CDH13: variants seen among roughly 807,000 people sequenced by gnomAD.
CDH13 encodes cadherin-13.
CDH13 carries 24 observed loss-of-function variants against 63.8 expected under a neutral mutation model. The ratio of observed to expected loss-of-function variants is 0.38; its 90% confidence interval spans 0.27 to 0.53. The LOEUF is 0.53. Among genes scored for constraint, CDH13 ranks in the 20% least tolerant of loss-of-function variants. The probability of loss-of-function intolerance (pLI) is 0.85; values close to 1 mark genes in which losing one functional copy is unlikely to be tolerated. For synonymous variants in CDH13, 503 were observed against 355.3 expected (o/e 1.42, Z -4.67); for missense variants, 1,049 against 903.1 (o/e 1.16, Z -2.07).
At chr16:83,122,474 C>G (rs531398351) in intron 3 of CDH13, among the ~76,000 whole-genome samples, 2 of 152,330 alleles carry the variant, frequency 1.3e-5, no homozygotes, top group South Asian at 2.1e-4. Flanking sequence ...ACTCCAATAA[C>G]TGAACTTGTG....
chr16:82,969,475 A>G (rs537158842), intron 2 of CDH13, among the ~76,000 whole-genome samples: 3 of 92,402 alleles, frequency 3.2e-5, no homozygotes, highest in Admixed American at 2.5e-4. Context: ...TTTTCTGCAT[A>G]TTCTTTTTTT....
At chr16:83,237,698 C>T (rs1001160271) in intron 5 of CDH13, among the ~76,000 whole-genome samples, 1 of 152,184 alleles carries the variant, frequency 6.6e-6, no homozygotes, top group Non-Finnish European at 1.5e-5. Context: ...CTCTCCCTTG[C>T]TATGTAATTT....
intron 2 of CDH13, among the ~76,000 whole-genome samples, chr16:82,872,206 A>G (rs950998448): frequency 3.9e-5 from 6 of 152,154 alleles, no homozygotes; most frequent in Non-Finnish European, 7.4e-5. Context: ...ATACACACAA[A>G]TGGAAATGTT....
intron 11 of CDH13, among the ~76,000 whole-genome samples, chr16:83,756,205 GC>G (rs1474516686): frequency 6.6e-6 from 1 of 152,038 alleles, no homozygotes; most frequent in African/African-American, 2.4e-5. Flanking sequence ...TAAAAAGATG[GC>G]CAAATAGAAC....
At chr16:83,660,953 C>T (rs1913388996) in intron 8 of CDH13, among the ~76,000 whole-genome samples, 1 of 151,830 alleles carries the variant, frequency 6.6e-6, no homozygotes, top group South Asian at 2.1e-4. Flanking sequence ...GGCATATTTG[C>T]TCTTTGGTTT....
intron 1 of CDH13, among the ~76,000 whole-genome samples, chr16:82,786,575 A>G (rs914969118): frequency 6.6e-6 from 1 of 150,378 alleles, no homozygotes; most frequent in Non-Finnish European, 1.5e-5. Flanking sequence ...TTATGTATGT[A>G]TACATGTGCC....
chr16:83,617,156 C>G (rs899693371), intron 8 of CDH13, among the ~76,000 whole-genome samples: 1 of 152,202 alleles, frequency 6.6e-6, no homozygotes, highest in African/African-American at 2.4e-5. Flanking sequence ...TTAAGCCCAT[C>G]TCCTTTTCAT....
intron 4 of CDH13, among the ~76,000 whole-genome samples, chr16:83,190,649 A>G (rs1295716319): frequency 6.6e-6 from 1 of 152,180 alleles, no homozygotes; most frequent in East Asian, 1.9e-4. Context: ...CCACCCTTTG[A>G]TGCTAACTAA....
chr16:83,031,038 G>A (rs551063254), intron 2 of CDH13, among the ~76,000 whole-genome samples: 1 of 151,570 alleles, frequency 6.6e-6, no homozygotes, highest in South Asian at 2.1e-4. Flanking sequence ...AGAAAATGTG[G>A]CCCACTAGAA....
chr16:82,784,927 G>A (rs568535469), intron 1 of CDH13, among the ~76,000 whole-genome samples: 74 of 152,180 alleles, frequency 4.9e-4, no homozygotes, highest in Middle Eastern at 3.2e-3. Context: ...GCCAGAGAGC[G>A]CCTTGAAATG....
intron 1 of CDH13, among the ~76,000 whole-genome samples, chr16:82,788,287 G>A (rs575742215): frequency 4.6e-5 from 7 of 152,238 alleles, no homozygotes; most frequent in East Asian, 3.9e-4. Context: ...GGTTCTCCAC[G>A]TAGCCACATA....
intron 1 of CDH13, among the ~76,000 whole-genome samples, chr16:82,662,210 G>A (rs976000072): frequency 7.2e-6 from 1 of 138,702 alleles, no homozygotes; most frequent in African/African-American, 2.6e-5. Flanking sequence ...AAAACTTTAT[G>A]ATATTAATTT....
At chr16:83,007,894 T>A (rs1422010575) in intron 2 of CDH13, among the ~76,000 whole-genome samples, 1 of 152,166 alleles carries the variant, frequency 6.6e-6, no homozygotes, top group Non-Finnish European at 1.5e-5. Flanking sequence ...CTTTCTTTCT[T>A]TTATCCATAG....
chr16:83,197,796 A>G (rs2038917958), intron 4 of CDH13, among the ~76,000 whole-genome samples: 1 of 138,794 alleles, frequency 7.2e-6, no homozygotes, highest in Admixed American at 7.8e-5. Context: ...ACACACTCAT[A>G]TGCTCACACA....
chr16:83,058,832 T>C (rs566934619), intron 3 of CDH13, among the ~76,000 whole-genome samples: 1 of 152,336 alleles, frequency 6.6e-6, no homozygotes, highest in Non-Finnish European at 1.5e-5. Context: ...ACAGAAACTA[T>C]CTGGTGATGA....
At chr16:83,109,912 T>G (rs1597354261) in intron 3 of CDH13, among the ~76,000 whole-genome samples, 1 of 152,208 alleles carries the variant, frequency 6.6e-6, no homozygotes, top group Non-Finnish European at 1.5e-5. Flanking sequence ...AAGTCTTGAT[T>G]TGTGTTGTTA....
At chr16:83,563,776 C>T (rs1169800474) in intron 7 of CDH13, among the ~76,000 whole-genome samples, 1 of 152,090 alleles carries the variant, frequency 6.6e-6, no homozygotes, top group Non-Finnish European at 1.5e-5. Flanking sequence ...AGCCTCCTGC[C>T]CTATTTTCTG....
intron 4 of CDH13, among the ~76,000 whole-genome samples, chr16:83,163,084 G>A (rs2037515037): frequency 6.6e-6 from 1 of 152,062 alleles, no homozygotes; most frequent in African/African-American, 2.4e-5. Context: ...CACAAGATCT[G>A]ATGGTTATAT....
intron 5 of CDH13, among the ~76,000 whole-genome samples, chr16:83,285,661 G>A (rs1452351534): frequency 6.6e-6 from 1 of 152,164 alleles, no homozygotes; most frequent in African/African-American, 2.4e-5. Flanking sequence ...TTCATAGGTT[G>A]CATGCCGATA....
Sources: gnomAD v4.1 joint callset for allele counts (sites outside exome capture counted in the v4.1 genomes callset) on GRCh38, gnomAD v4.1.1 for gene constraint, MANE v1.5 for transcripts, NCBI Gene and HGNC (gene_info 2026-07-23, HGNC 2026-07-21) for gene names.